The following MYO18B variants were observed in gnomAD, a reference collection of about 807,000 sequenced individuals.
MYO18B encodes the protein unconventional myosin-XVIIIb.
In MYO18B, 204 loss-of-function variants were observed where a neutral mutation model predicts 273.0. The observed-to-expected ratio is 0.75, with a 90% CI of 0.67 to 0.84. The LOEUF (loss-of-function observed/expected upper bound fraction) is 0.84, where lower values mean the gene tolerates loss of function less well. Ranked by LOEUF, MYO18B falls within the 40% of genes least tolerant of loss-of-function variation. The pLI is 0.00. For missense variants in MYO18B, 3,212 were observed against 3,287.6 expected (o/e 0.98, Z 0.56); for synonymous variants, 1,330 against 1,305.7 (o/e 1.02, Z -0.40).
chr22:25,742,910 G>T (rs2085670555), intron 1 of MYO18B, among the ~76,000 whole-genome samples: 1 of 152,248 alleles, frequency 6.6e-6, no homozygotes, highest in African/African-American at 2.4e-5. Context: ...CGGATAGCAG[G>T]CATTTCTCTG....
chr22:26,060,712 A>T, the MYO18B span, among the ~76,000 whole-genome samples: 1 of 152,186 alleles, frequency 6.6e-6, no homozygotes, highest in African/African-American at 2.4e-5. Flanking sequence ...ACACACATGC[A>T]CACATACATA....
chr22:26,023,842 C>T (rs4820668), intron 42 of MYO18B, among the ~76,000 whole-genome samples: 64,794 of 152,102 alleles, frequency 0.43, 14,527 homozygotes, highest in African/African-American at 0.55. Context: ...AAAATACAGG[C>T]GTGTGAATGC....
chr22:25,977,533 T>C (rs1046764353), intron 39 of MYO18B, among the ~76,000 whole-genome samples: 1 of 152,088 alleles, frequency 6.6e-6, no homozygotes, highest in Non-Finnish European at 1.5e-5. Context: ...AGGACGAGCA[T>C]GTTTTTGTGG....
chr22:25,944,403 C>CT (rs2092680681), intron 34 of MYO18B, among the ~76,000 whole-genome samples: 2 of 152,090 alleles, frequency 1.3e-5, no homozygotes, highest in Admixed American at 1.3e-4. Context: ...CTCTCTGAGC[C>CT]CCGAATGTTT....
At chr22:25,757,448 G>A (rs11703034) in intron 1 of MYO18B, among the ~76,000 whole-genome samples, 2,280 of 151,350 alleles carry the variant, frequency 0.015, 15 homozygotes, top group South Asian at 0.033. Context: ...ATTAGCGGGC[G>A]TGGTGGCACG....
intron 39 of MYO18B, among the ~76,000 whole-genome samples, chr22:25,966,881 G>A (rs1181426621): frequency 3.3e-5 from 5 of 152,184 alleles, no homozygotes; most frequent in East Asian, 1.9e-4. Context: ...CAATTCAAGA[G>A]GTGTTACCAT....
Position 25,781,716 on chromosome 22 carries a change from C to G in MYO18B, c.2212-18C>G. 6.7e-7 allele frequency: 1 copy of G among 1,498,668 alleles called. No individual in the cohort carries two copies. The highest frequency in any genetic ancestry group is 8.9e-7 in the Non-Finnish European group (1 of 1,123,626). 92.8% of individuals were successfully genotyped at this position (1,498,668 alleles called of 1,614,324 possible). A position where few individuals can be genotyped will look rare whatever the true frequency, so the allele number is the denominator to read the frequency against. On this transcript the variant is annotated intron_variant, in intron 9 of 43. Coordinates refer to ENST00000335473, the MANE Select transcript of MYO18B (RefSeq NM_032608.7). ...GTACCCAAAGCACTGACTGGGTGCCCCTCTTCTCTCCCTGCAGACAATGCT... is the reference window on the plus strand; with the variant it reads ...GTACCCAAAGCACTGACTGGGTGCCGCTCTTCTCTCCCTGCAGACAATGCT...
chr22:25,902,720 T>C lies in MYO18B; in HGVS notation c.4931T>C (p.Leu1644Pro). The C allele has an allele frequency of 1.3e-6, 2 of 1,585,466 alleles. No homozygotes were observed. Among genetic ancestry groups the C allele is most frequent in the Non-Finnish European group, 1.7e-6 (2 of 1,165,236 alleles). ...AGTGTCCGGTGGGAGCTAGGCCAGCTTCAGCAGCAGCTGAAGGTAAGGGAT... is the reference window on the plus strand; with the variant it reads ...AGTGTCCGGTGGGAGCTAGGCCAGCCTCAGCAGCAGCTGAAGGTAAGGGAT... ...NTSVRWELGQ[L>P]QQQLKQKEQE... Residue 1644 changes from leucine (L) to proline (P), a missense_variant, in exon 30 of 44, where the codon CTT (leucine) becomes CCT (proline). By Grantham distance (98) the Leu-to-Pro change is moderately conservative (BLOSUM62 -3). Coordinates refer to ENST00000335473, the MANE Select transcript of MYO18B (RefSeq NM_032608.7).
chr22:25,810,897 C>T lies in MYO18B; in HGVS notation c.2522-12608C>T, dbSNP rs150983147. Among the ~76,000 whole-genome samples the T allele has an allele frequency of 2.2e-3, 333 of 152,274 alleles. 2 individuals are homozygous for T. The highest frequency in any genetic ancestry group is 5.2e-3 in the South Asian group (25 of 4,814). On this transcript the variant is annotated intron_variant, in intron 12 of 43. Transcript: ENST00000335473. ...TTAGCAGCAAAGGTCCATCTATACTCTTTCTGTTGTGTTCCTTGATGGGTT... is the reference window on the plus strand; with the variant it reads ...TTAGCAGCAAAGGTCCATCTATACTTTTTCTGTTGTGTTCCTTGATGGGTT...
At chr22:25,869,553 A>G (rs1427060380) in intron 22 of MYO18B, among the ~76,000 whole-genome samples, 1 of 151,762 alleles carries the variant, frequency 6.6e-6, no homozygotes, top group Non-Finnish European at 1.5e-5. Flanking sequence ...TACTCCACAC[A>G]TTTCCCCACC....
intron 10 of MYO18B, among the ~76,000 whole-genome samples, chr22:25,784,865 A>G (rs2087313373): frequency 6.6e-6 from 1 of 152,220 alleles, no homozygotes; most frequent in Admixed American, 6.5e-5. Flanking sequence ...CATAAAGTGC[A>G]GACTGAGGCC....
intron 39 of MYO18B, among the ~76,000 whole-genome samples, chr22:25,971,438 T>C (rs2093035262): frequency 6.6e-6 from 1 of 152,236 alleles, no homozygotes; most frequent in Non-Finnish European, 1.5e-5. Flanking sequence ...ATTGTAATTC[T>C]TTGTAGTACT....
At chr22:25,903,560 A>ATCCCTGGGG in intron 30 of MYO18B, 71 bp from the exon 31 acceptor site, 1 of 1,462,044 alleles carries the variant, frequency 6.8e-7, no homozygotes, top group Non-Finnish European at 9.3e-7. Context: ...AGTTGGTTGT[A>ATCCCTGGGG]GAGGTATCCC....
In MYO18B at chr22:25,947,860, A is replaced by AG. The variant is rs766058479; in HGVS notation, c.5748+35dup. The AG allele has an allele frequency of 4.0e-5, 62 of 1,555,118 alleles. 4 individuals carry two copies. The Admixed American group carries it at 1.0e-3, about 26-fold the overall frequency. On this transcript the variant is annotated intron_variant, in intron 36 of 43. Coordinates refer to ENST00000335473, the MANE Select transcript of MYO18B (RefSeq NM_032608.7). ...AATGAGACCTTGGTGGAAGAAGCTC[A>AG]GGGACTTGGGGTGGGGTGAATGGGG...
chr22:25,747,143 A>T (rs1010531226), intron 1 of MYO18B, among the ~76,000 whole-genome samples: 2 of 152,072 alleles, frequency 1.3e-5, no homozygotes, highest in Admixed American at 1.3e-4. Flanking sequence ...GAAAGAAAAT[A>T]AAAAAAGAAA....
intron 21 of MYO18B, among the ~76,000 whole-genome samples, chr22:25,856,716 C>T (rs1045634308): frequency 1.8e-4 from 27 of 152,214 alleles, no homozygotes; most frequent in Admixed American, 9.8e-4. Context: ...TAGATAGTTT[C>T]GTGGTGCTGG....
rs78154287 is a variant in MYO18B at position 25,832,981 on chromosome 22, A to T, written c.3044A>T (p.Asp1015Val). 6.2e-7 allele frequency: 1 copy of T among 1,613,694 alleles called. No homozygotes were observed. The highest frequency in any genetic ancestry group is 1.3e-5 in the African/African-American group (1 of 74,866). ...PSPGTTVAVV[D>V]QNPSQVRLPA... ...CCAGGGACCACCGTGGCTGTTGTGG[A>T]TCAAAATCCCTCTCAGGTAACACAG... Residue 1015 changes from aspartate to valine, a missense_variant, in exon 16 of 44, where the codon GAT (aspartate) becomes GTT (valine). Physicochemically the swap from Asp to Val is radical, Grantham distance 152 (BLOSUM62 -3). Coordinates refer to ENST00000335473, the MANE Select transcript of MYO18B (RefSeq NM_032608.7).
chr22:25,921,597 TAAG>T (rs1367114938), intron 34 of MYO18B, among the ~76,000 whole-genome samples, 188 bp downstream of exon 34: 3 of 152,136 alleles, frequency 2.0e-5, no homozygotes, highest in Non-Finnish European at 4.4e-5. Flanking sequence ...AGGAGGGGTC[TAAG>T]AAGGAGTCCT....
rs372586627 is a variant in MYO18B at position 26,003,273 on chromosome 22, C to T, written c.6296C>T (p.Thr2099Met). 273 of 1,609,304 alleles carry T rather than the reference C, an allele frequency of 1.7e-4. 1 individual carries two copies. In the African/African-American group the frequency reaches 1.7e-3, roughly 10 times the overall value. Residue 2099 changes from threonine (T) to methionine (M), a missense_variant, in exon 41 of 44, where the codon ACG becomes ATG. Physicochemically the swap from Thr to Met is moderately conservative, Grantham distance 81. Transcript: ENST00000335473. Reference sequence around the variant, plus strand: ...CTTGTGCCTCTTACTAGTGTCCAGACGGCAGTGGATTGTGGCAGCAGCGGC... The same window carrying T: ...CTTGTGCCTCTTACTAGTGTCCAGATGGCAGTGGATTGTGGCAGCAGCGGC... The part of the protein sequence containing the change: ...SSDSDTESVQ[T>M]AVDCGSSGRK...
Sources: gnomAD v4.1 joint callset for allele counts (sites outside exome capture counted in the v4.1 genomes callset) on GRCh38, gnomAD v4.1.1 for gene constraint, MANE v1.5 for transcripts, NCBI Gene and HGNC (gene_info 2026-07-23, HGNC 2026-07-21) for gene names.